The following ERBB4 variants were observed in gnomAD, a reference collection of about 807,000 sequenced individuals.
The protein encoded by ERBB4 is erb-b2 receptor tyrosine kinase 4.
Under a neutral mutation model 158.0 loss-of-function variants are expected in ERBB4, and 42 were observed. The ratio of observed to expected loss-of-function variants is 0.27; its 90% confidence interval spans 0.21 to 0.34. ERBB4 has a LOEUF of 0.34. Among genes scored for constraint, ERBB4 ranks in the 10% least tolerant of loss-of-function variants. The pLI is 1.00. For missense variants in ERBB4, 1,333 were observed against 1,624.1 expected, an observed-to-expected ratio of 0.82 and a Z score of 3.08; for synonymous variants, 583 against 558.7, an observed-to-expected ratio of 1.04 and a Z score of -0.61.
intron 7 of ERBB4, among the ~76,000 whole-genome samples, chr2:211,718,659 C>T (rs1021082626): frequency 1.3e-5 from 2 of 151,920 alleles, no homozygotes; most frequent in African/African-American, 4.8e-5. Flanking sequence ...TCATTCATAA[C>T]ACTAAATTTA....
At chr2:211,452,186 AT>A (rs138934328) in intron 20 of ERBB4, among the ~76,000 whole-genome samples, 25,926 of 144,126 alleles carry the variant, frequency 0.18, 2,515 homozygotes, top group East Asian at 0.4. Context: ...AATAAACACT[AT>A]TTTTTTTTGA....
chr2:211,725,163 G>A lies in ERBB4; in HGVS notation c.654C>T (p.Asp218=), dbSNP rs781528015. Residue 218 remains aspartate (D), a synonymous_variant, in exon 6 of 28, where the codon GAC becomes GAT. Coordinates refer to ENST00000342788, the MANE Select transcript of ERBB4 (RefSeq NM_005235.3). ...LTRTVCAEQC[D]GRCYGPYVSD... ...TGACGTAAGGTCCGTAGCATCTGCC[G>A]TCACATTGTTCTGCACACACCGTCC... 11 of 1,613,764 alleles carry A rather than the reference G, an allele frequency of 6.8e-6. No individual in the cohort carries two copies. Among genetic ancestry groups the A allele is most frequent in the Admixed American group, 1.7e-5 (1 of 59,988 alleles).
chr2:211,910,416 G>A (rs761758299), intron 3 of ERBB4, among the ~76,000 whole-genome samples: 1 of 145,226 alleles, frequency 6.9e-6, no homozygotes, highest in African/African-American at 2.5e-5. Context: ...GTTTGCTAAG[G>A]ATAATGGCCT....
In ERBB4 at chr2:211,619,281, G is replaced by C; in HGVS notation, c.2203-6C>G. ...CCTTCAGGTACCCAAATACCCTTTG[G>C]GGAAAAAAATTTACATTAAATATGA... On this transcript the variant is annotated splice_region_variant and splice_polypyrimidine_tract_variant and intron_variant, in intron 18 of 27. Coordinates refer to ENST00000342788, the MANE Select transcript of ERBB4 (RefSeq NM_005235.3). 1 of 1,561,128 alleles carries C rather than the reference G, an allele frequency of 6.4e-7. No homozygotes were observed. Among genetic ancestry groups the C allele is most frequent in the Non-Finnish European group, 8.8e-7 (1 of 1,132,558 alleles).
intron 25 of ERBB4, among the ~76,000 whole-genome samples, chr2:211,402,403 A>ATCTT (rs1368714503): frequency 6.6e-6 from 1 of 152,074 alleles, no homozygotes; most frequent in African/African-American, 2.4e-5. Context: ...CTTAGGACTG[A>ATCTT]TCTTTTAAAT....
intron 1 of ERBB4, among the ~76,000 whole-genome samples, chr2:212,428,062 A>C (rs534156548): frequency 1.9e-4 from 28 of 147,890 alleles, no homozygotes; most frequent in African/African-American, 5.6e-4. Flanking sequence ...CACATAAATT[A>C]TCTCCATTTT....
chr2:212,067,540 C>T (rs1014688046), intron 2 of ERBB4, among the ~76,000 whole-genome samples: 1 of 151,818 alleles, frequency 6.6e-6, no homozygotes, highest in Non-Finnish European at 1.5e-5. Context: ...TCCTACAGGC[C>T]AAAACTGGAC....
At chr2:212,448,187 CACAA>C (rs1422236153) in intron 1 of ERBB4, among the ~76,000 whole-genome samples, 3 of 152,096 alleles carry the variant, frequency 2.0e-5, no homozygotes, top group Non-Finnish European at 2.9e-5. Flanking sequence ...TATACTTGCA[CACAA>C]ACAAACAGTA....
intron 1 of ERBB4, among the ~76,000 whole-genome samples, chr2:212,372,672 T>G (rs1276029171): frequency 6.6e-6 from 1 of 151,948 alleles, no homozygotes. Context: ...TCGCTTGAAC[T>G]TGGGAGGCAG....
At chr2:212,397,202 TG>T (rs1286164372) in intron 1 of ERBB4, among the ~76,000 whole-genome samples, 2 of 152,068 alleles carry the variant, frequency 1.3e-5, no homozygotes, top group Non-Finnish European at 2.9e-5. Context: ...AGGCAGGCCA[TG>T]GTGGTTCATG....
intron 2 of ERBB4, among the ~76,000 whole-genome samples, chr2:211,983,856 T>C (rs546147537): frequency 1.5e-3 from 234 of 152,334 alleles, no homozygotes; most frequent in African/African-American, 5.6e-3. Flanking sequence ...CTTATATTAA[T>C]GATAATGTAT....
intron 4 of ERBB4, among the ~76,000 whole-genome samples, chr2:211,768,092 GC>G (rs1291665293): frequency 6.6e-6 from 1 of 152,172 alleles, no homozygotes; most frequent in Non-Finnish European, 1.5e-5. Flanking sequence ...GGAGAAATTG[GC>G]CAAAATGAAG....
chr2:212,218,727 A>G (rs1015474670), intron 1 of ERBB4, among the ~76,000 whole-genome samples: 1 of 151,360 alleles, frequency 6.6e-6, no homozygotes, highest in Non-Finnish European at 1.5e-5. Context: ...CAGGATGCCA[A>G]TGGCTCATGC....
At chr2:211,849,718 AT>A (rs1212492921) in intron 3 of ERBB4, among the ~76,000 whole-genome samples, 1 of 151,954 alleles carries the variant, frequency 6.6e-6, no homozygotes, top group East Asian at 1.9e-4. Flanking sequence ...CTAACATCTC[AT>A]TTATAAAGAT....
At chr2:211,485,364 T>A (rs2065177723) in intron 20 of ERBB4, among the ~76,000 whole-genome samples, 1 of 152,132 alleles carries the variant, frequency 6.6e-6, no homozygotes, top group African/African-American at 2.4e-5. Context: ...ACCTTGTTCG[T>A]TTATCCTTTT....
intron 1 of ERBB4, among the ~76,000 whole-genome samples, chr2:212,256,341 A>C (rs979433247): frequency 3.3e-5 from 5 of 152,284 alleles, no homozygotes; most frequent in African/African-American, 1.2e-4. Context: ...TGAGTCAGAT[A>C]ATTTGCCTTA....
chr2:212,077,073 G>A, intron 2 of ERBB4, among the ~76,000 whole-genome samples: 1 of 151,842 alleles, frequency 6.6e-6, no homozygotes, highest in East Asian at 1.9e-4. Flanking sequence ...TCAGAAAAAA[G>A]TAAAACCAAA....
intron 1 of ERBB4, among the ~76,000 whole-genome samples, chr2:212,217,209 T>G (rs1458734107): frequency 3.3e-5 from 5 of 151,382 alleles, no homozygotes; most frequent in Non-Finnish European, 5.9e-5. Context: ...CAGCCTAAAA[T>G]GTACAAGCCC....
intron 20 of ERBB4, among the ~76,000 whole-genome samples, chr2:211,544,705 T>C (rs1363251078): frequency 6.6e-6 from 1 of 152,084 alleles, no homozygotes; most frequent in Non-Finnish European, 1.5e-5. Context: ...TTTAAACATA[T>C]AATAGTATCA....
Sources: allele counts gnomAD v4.1 joint callset (sites outside exome capture counted in the v4.1 genomes callset), GRCh38; gene constraint gnomAD v4.1.1; transcripts MANE v1.5; gene names NCBI Gene and HGNC (gene_info 2026-07-23, HGNC 2026-07-21).